The following FANCI variants were observed in gnomAD, a reference collection of about 807,000 sequenced individuals.
The protein encoded by FANCI is FA complementation group I, also known as Fanconi anemia group I protein.
In FANCI, 156 loss-of-function variants were observed where a neutral mutation model predicts 176.1. The ratio of observed to expected loss-of-function variants is 0.89; its 90% CI spans 0.78 to 1.01. The LOEUF is 1.01. Ranked by LOEUF, FANCI falls within the 50% of genes least tolerant of loss-of-function variation. FANCI has a pLI of 0.00. For synonymous variants in FANCI, 613 were observed against 541.7 expected (o/e 1.13, Z -1.83); for missense variants, 1,678 against 1,534.1 (o/e 1.09, Z -1.57).
chr15:89,272,471 A>G (rs1257481301), intron 10 of FANCI, among the ~76,000 whole-genome samples: 1 of 152,030 alleles, frequency 6.6e-6, no homozygotes, highest in Non-Finnish European at 1.5e-5. Context: ...TTGAAGTACA[A>G]AAGTTTTAAA....
intron 2 of FANCI, among the ~76,000 whole-genome samples, chr15:89,251,558 A>G (rs1015735887): frequency 1.3e-5 from 2 of 152,180 alleles, no homozygotes; most frequent in African/African-American, 4.8e-5. Flanking sequence ...GATAGCATAG[A>G]AAAAAGAGGA....
intron 22 of FANCI, 70 bp from the exon 23 acceptor site, chr15:89,293,763 T>TC (rs1178386769): frequency 7.3e-7 from 1 of 1,372,618 alleles, no homozygotes; most frequent in African/African-American, 1.4e-5. Context: ...TTGTGATTAT[T>TC]ATCATATGTA....
chr15:89,259,156 C>G (rs2052616979), intron 3 of FANCI: 2 of 219,036 alleles, frequency 9.1e-6, no homozygotes, highest in Non-Finnish European at 1.9e-5. Context: ...TCTTAAGGTG[C>G]CTTATATAGA....
intron 10 of FANCI, among the ~76,000 whole-genome samples, chr15:89,270,351 T>C (rs754238178): frequency 2.0e-4 from 31 of 152,220 alleles, no homozygotes; most frequent in Non-Finnish European, 4.3e-4. Context: ...GGTACATATG[T>C]ATCCCTTTGT....
intron 2 of FANCI, among the ~76,000 whole-genome samples, chr15:89,258,097 C>T (rs1167220162): frequency 6.6e-6 from 1 of 151,954 alleles, no homozygotes; most frequent in Admixed American, 6.6e-5. Flanking sequence ...AAGGCTTTGG[C>T]CTCAAATATG....
intron 12 of FANCI, among the ~76,000 whole-genome samples, chr15:89,275,692 A>G (rs539416008): frequency 2.6e-4 from 40 of 152,188 alleles, no homozygotes; most frequent in Non-Finnish European, 4.4e-4. Flanking sequence ...TCCCAACCCA[A>G]TCTCTTAAAG....
intron 10 of FANCI, among the ~76,000 whole-genome samples, chr15:89,270,287 T>A (rs34003409): frequency 0.045 from 6,850 of 152,306 alleles, 208 homozygotes; most frequent in Non-Finnish European, 0.07. Context: ...TTACTATTTG[T>A]GAGGCTGAAT....
intron 24 of FANCI, among the ~76,000 whole-genome samples, chr15:89,296,936 C>T (rs1447196092): frequency 6.7e-6 from 1 of 149,954 alleles, no homozygotes; most frequent in African/African-American, 2.5e-5. Context: ...CCCCACCTCC[C>T]TCCCGGACGG....
chr15:89,313,816 T>TAAAC (rs1438519286), intron 35 of FANCI, among the ~76,000 whole-genome samples: 1 of 151,662 alleles, frequency 6.6e-6, no homozygotes, highest in African/African-American at 2.4e-5. Flanking sequence ...ATGAAAAAAA[T>TAAAC]AAACATCTAA....
At position 89,247,690 on chromosome 15, in the gene FANCI, G is replaced by A; in HGVS notation, c.43G>A (p.Asp15Asn). The A allele has an allele frequency of 6.2e-7, 1 of 1,613,944 alleles. No individual in the cohort carries two copies. Among genetic ancestry groups the A allele is most frequent in the Non-Finnish European group, 8.5e-7 (1 of 1,179,948 alleles). The change falls in exon 2 of 38, where the codon GAC becomes AAC. Residue 15 changes from aspartate (D) to asparagine (N), a missense_variant. This residue lies in a region of FANCI where 469 missense variants were observed against 436.9 expected (regional missense o/e 1.07). Transcript: ENST00000310775. Reference sequence around the variant, plus strand: ...ATCTCTAGCAGCAGAAAAAACAGCAGACAAACTGCAAGAATTTCTTCAAAC... The same window carrying A: ...ATCTCTAGCAGCAGAAAAAACAGCAAACAAACTGCAAGAATTTCTTCAAAC... The part of the protein sequence containing the change: ...ILSLAAEKTA[D>N]KLQEFLQTLR...
chr15:89,305,763 G>A lies in FANCI; in HGVS notation c.3349+65G>A, dbSNP rs541795572. ...GCAAGGTCAAAATTCATATTGGGTC[G>A]GTGCATAAAAATGGAGCCCCTGAGC... On this transcript the variant is annotated intron_variant, in intron 31 of 37. Transcript: ENST00000310775. 3.5e-4 allele frequency: 541 copies of A among 1,524,936 alleles called. 2 individuals carry two copies. The South Asian group carries it at 5.1e-3, about 14-fold the overall frequency. 94.5% of individuals were successfully genotyped at this position (1,524,936 alleles called of 1,614,324 possible).
At chr15:89,258,655 G>C (rs2052595619) in intron 2 of FANCI, 49 bp from the exon 3 acceptor site, 1 of 1,370,296 alleles carries the variant, frequency 7.3e-7, no homozygotes, top group South Asian at 1.2e-5. Flanking sequence ...TTAGGTCATT[G>C]GGGTAAAAGA....
At chr15:89,251,355 T>A (rs188803500) in intron 2 of FANCI, among the ~76,000 whole-genome samples, 1 of 152,182 alleles carries the variant, frequency 6.6e-6, no homozygotes, top group Non-Finnish European at 1.5e-5. Context: ...CCAGATAGAT[T>A]GGCAGGAAAC....
chr15:89,257,326 C>T (rs2052539698), intron 2 of FANCI, among the ~76,000 whole-genome samples: 1 of 152,258 alleles, frequency 6.6e-6, no homozygotes, highest in South Asian at 2.1e-4. Flanking sequence ...TATTAGTGTG[C>T]TAGGGCTGCT....
At chr15:89,303,658 GAATTA>G (rs780876372) in intron 27 of FANCI, among the ~76,000 whole-genome samples, 4 of 152,134 alleles carry the variant, frequency 2.6e-5, no homozygotes, top group Non-Finnish European at 4.4e-5. Flanking sequence ...TAGACATTGA[GAATTA>G]AATTATATAT....
At chr15:89,284,982 G>C in intron 17 of FANCI, 114 bp from the exon 18 acceptor site, 1 of 1,173,976 alleles carries the variant, frequency 8.5e-7, no homozygotes, top group African/African-American at 1.5e-5. Flanking sequence ...TCACCCCTGG[G>C]GTTTGGCATG....
At chr15:89,287,807 C>G (rs78552480) in intron 18 of FANCI, among the ~76,000 whole-genome samples, 2,336 of 152,196 alleles carry the variant, frequency 0.015, 65 homozygotes, top group African/African-American at 0.054. Flanking sequence ...GATGATGGCC[C>G]AGTCAGTGGA....
rs764624165 is a variant in FANCI, at chr15:89,278,743, C to G, written c.1350C>G (p.Thr450=). 8.7e-6 allele frequency: 14 copies of G among 1,613,790 alleles called. No homozygotes were observed. Among genetic ancestry groups the G allele is most frequent in the Non-Finnish European group, 1.1e-5 (13 of 1,179,758 alleles). ...AGCAGGTCCTCAACAGGGTTGTTAC[C>G]AGAGCATCTTCTCCCATCAGTCATT... The part of the protein sequence containing the change: ...ILEQVLNRVV[T]RASSPISHFL... Residue 450 remains threonine (T), a synonymous_variant, in exon 14 of 38, where the codon ACC becomes ACG. Transcript: ENST00000310775.
Position 89,293,841 on chromosome 15 carries a change from G to T in FANCI, c.2300G>T (p.Arg767Met), listed in dbSNP as rs1555447886. The change falls in exon 23 of 38, where the codon AGG (arginine) becomes ATG (methionine). Residue 767 changes from arginine (R) to methionine (M), a missense_variant. This residue lies in a region of FANCI where 1,204 missense variants were observed against 1,077.4 expected (regional missense o/e 1.12). Transcript: ENST00000310775. Reference sequence around the variant, plus strand: ...TTTTTTGTTTTTTACAGTAAGAATAGGTTTGAGGACATTCTGAGCTTATTT... The same window carrying T: ...TTTTTTGTTTTTTACAGTAAGAATATGTTTGAGGACATTCTGAGCTTATTT... ...NFSISSFSKN[R>M]FEDILSLFMC... The T allele has an allele frequency of 6.2e-7, 1 of 1,613,860 alleles. No homozygotes were observed.
Sources: gnomAD v4.1 joint callset for allele counts (sites outside exome capture counted in the v4.1 genomes callset) on GRCh38, gnomAD v4.1.1 for gene constraint, gnomAD v4.1.1 regional missense constraint, MANE v1.5 for transcripts, NCBI Gene and HGNC (gene_info 2026-07-23, HGNC 2026-07-21) for gene names.